Variants in NFYA observed in about 807,000 individuals in gnomAD.
NFYA encodes nuclear transcription factor Y subunit alpha, also known as CAAT-box DNA binding protein subunit A.
NFYA carries 28 observed loss-of-function variants against 52.8 expected under a neutral mutation model. The observed-to-expected ratio is 0.53, with a 90% CI of 0.39 to 0.73. The LOEUF is 0.73. Ranked by LOEUF, NFYA falls within the 30% of genes least tolerant of loss-of-function variation. NFYA has a pLI of 0.00. For synonymous variants in NFYA, 150 were observed against 150.7 expected (o/e 1.00, Z 0.03); for missense variants, 234 against 427.0 (o/e 0.55, Z 3.98).
rs780753503 is a variant in NFYA at position 41,089,685 on chromosome 6, C to T, written c.416C>T (p.Thr139Met). ...TQQIIIQQPQ[T>M]AVTAGQTQTQ... ...CAGATCATCATCCAGCAGCCCCAGA[C>T]GGCTGTCACTGCTGGCCAGACTCAG... The change falls in exon 5 of 10, where the codon ACG becomes ATG. Residue 139 changes from threonine (T) to methionine (M), a missense_variant. This residue lies in a region of NFYA where 118 missense variants were observed against 182.4 expected (regional missense o/e 0.65). Coordinates refer to ENST00000341376, the MANE Select transcript of NFYA (RefSeq NM_002505.5). 11 of 1,612,508 alleles carry T rather than the reference C, an allele frequency of 6.8e-6. No homozygotes were observed. The highest frequency in any genetic ancestry group is 8.5e-6 in the Non-Finnish European group (10 of 1,179,946).
chr6:41,097,451 C>T lies in NFYA; in HGVS notation c.*41C>T, dbSNP rs915252559. 6.2e-7 allele frequency: 1 copy of T among 1,600,490 alleles called. No homozygotes were observed. Among genetic ancestry groups the T allele is most frequent in the Admixed American group, 1.7e-5 (1 of 59,724 alleles). ...TGGAGCTGATCAAGGTCATGTTTCT[C>T]ACTGTTCCAGGAAATTGATCAACTC... On this transcript the variant is annotated 3_prime_UTR_variant, in exon 10 of 10. Coordinates refer to ENST00000341376, the MANE Select transcript of NFYA (RefSeq NM_002505.5).
intron 9 of NFYA, among the ~76,000 whole-genome samples, chr6:41,096,770 A>G (rs2113826259): frequency 6.6e-6 from 1 of 152,326 alleles, no homozygotes; most frequent in East Asian, 1.9e-4. Context: ...AACAGCATAT[A>G]GAGTTTAGTG....
At chr6:41,095,230 A>G (rs935559699) in intron 9 of NFYA, among the ~76,000 whole-genome samples, 2 of 152,172 alleles carry the variant, frequency 1.3e-5, no homozygotes, top group African/African-American at 2.4e-5. Flanking sequence ...TGCCCAGCAA[A>G]GCCTTACATG....
chr6:41,091,198 C>T (rs919777079), intron 6 of NFYA, among the ~76,000 whole-genome samples: 2 of 152,164 alleles, frequency 1.3e-5, no homozygotes, highest in Non-Finnish European at 2.9e-5. Context: ...AAGCAGATTG[C>T]TCATTATGTA....
rs980190636 is a variant in NFYA at position 41,101,041 on chromosome 6, A to C, written c.*3631A>C. 1.3e-5 allele frequency: 2 copies of C among 152,258 alleles called. No individual in the cohort carries two copies. The highest frequency in any genetic ancestry group is 6.5e-5 in the Admixed American group (1 of 15,288). 9.4% of individuals were successfully genotyped at this position (152,258 alleles called of 1,614,324 possible). A position where few individuals can be genotyped will look rare whatever the true frequency, so the allele number is the denominator to read the frequency against. On this transcript the variant is annotated 3_prime_UTR_variant, in exon 10 of 10. Transcript: ENST00000341376. ...GCAGCCATGGTGACCGGCGAGCGGCATGCGACGCCGCCTCTGTGGCCTGTG... is the reference window on the plus strand; with the variant it reads ...GCAGCCATGGTGACCGGCGAGCGGCCTGCGACGCCGCCTCTGTGGCCTGTG...
chr6:41,075,795 C>T (rs1419062125), intron 1 of NFYA: 1 of 151,538 alleles, frequency 6.6e-6, no homozygotes, highest in Non-Finnish European at 1.5e-5. Flanking sequence ...CCTCCAAATT[C>T]CCATATCACT....
Position 41,097,546 on chromosome 6 carries a change from G to A in NFYA, c.*136G>A, listed in dbSNP as rs1400058369. On this transcript the variant is annotated 3_prime_UTR_variant, in exon 10 of 10. Coordinates refer to ENST00000341376, the MANE Select transcript of NFYA (RefSeq NM_002505.5). ...ACAGAAACCACTTAGTTTTTAATAA[G>A]TGGCTCAGTATTACAATTGCAGCGA... The A allele has an allele frequency of 2.3e-6, 2 of 852,298 alleles. No homozygotes were observed. Among genetic ancestry groups the A allele is most frequent in the Non-Finnish European group, 3.7e-6 (2 of 543,788 alleles). 52.8% of individuals were successfully genotyped at this position (852,298 alleles called of 1,614,324 possible). A position where few individuals can be genotyped will look rare whatever the true frequency, so the allele number is the denominator to read the frequency against.
intron 9 of NFYA, among the ~76,000 whole-genome samples, chr6:41,095,156 A>G (rs1764313321): frequency 6.6e-6 from 1 of 152,130 alleles, no homozygotes; most frequent in Non-Finnish European, 1.5e-5. Context: ...GTTCTGCTCA[A>G]GCTCCTTCAA....
In NFYA at chr6:41,073,003, GC is replaced by G. The variant is rs1763555678; in HGVS notation, c.-142del. 1 of 154,974 alleles carries G rather than the reference GC, an allele frequency of 6.5e-6. No individual in the cohort carries two copies. Among genetic ancestry groups the G allele is most frequent in the African/African-American group, 2.4e-5 (1 of 41,518 alleles). The allele number at this position is 154,974 out of a possible 1,614,324, so 9.6% of individuals were successfully genotyped here. On this transcript the variant is annotated 5_prime_UTR_variant, in exon 1 of 10. Transcript: ENST00000341376. ...GGCAGCGGCAGTGGCGGCGGCAGCG[GC>G]GGCTGGAGCCTCTGATTGGGTTTCG...
chr6:41,076,924 A>C (rs1763748110), intron 1 of NFYA, among the ~76,000 whole-genome samples: 1 of 152,226 alleles, frequency 6.6e-6, no homozygotes, highest in African/African-American at 2.4e-5. Context: ...TCTGTCATTA[A>C]TGTGAGAGAG....
intron 4 of NFYA, among the ~76,000 whole-genome samples, chr6:41,087,527 G>A (rs1224002585): frequency 6.6e-6 from 1 of 152,176 alleles, no homozygotes; most frequent in East Asian, 1.9e-4. Flanking sequence ...CTTCCAGACT[G>A]CCATCTATGT....
At position 41,100,594 on chromosome 6, in the gene NFYA, G is replaced by A. The variant is rs556678323; in HGVS notation, c.*3184G>A. Reference sequence around the variant, plus strand: ...CCACAATGAAGGAAAAGCACTGACAGTATTTGATAGCTTTAGTCAAACTGT... The same window carrying A: ...CCACAATGAAGGAAAAGCACTGACAATATTTGATAGCTTTAGTCAAACTGT... On this transcript the variant is annotated 3_prime_UTR_variant, in exon 10 of 10. Transcript: ENST00000341376. Among the ~76,000 whole-genome samples, 1 of 152,312 alleles carries A rather than the reference G, an allele frequency of 6.6e-6. No individual in the cohort carries two copies. Among genetic ancestry groups the A allele is most frequent in the South Asian group, 2.1e-4 (1 of 4,824 alleles).
chr6:41,084,251 T>C, intron 4 of NFYA, 59 bp downstream of exon 4: 1 of 1,572,882 alleles, frequency 6.4e-7, no homozygotes. Flanking sequence ...AAAGAATAGA[T>C]TATTACAACC....
At chr6:41,079,239 G>C in intron 2 of NFYA, 75 bp downstream of exon 2, 1 of 1,370,018 alleles carries the variant, frequency 7.3e-7, no homozygotes, top group Non-Finnish European at 1.0e-6. Context: ...TTGGTCTATT[G>C]CCCTGGGGAA....
intron 7 of NFYA, among the ~76,000 whole-genome samples, chr6:41,091,907 T>A (rs1237845179): frequency 2.0e-5 from 3 of 152,204 alleles, no homozygotes; most frequent in Admixed American, 2.0e-4. Flanking sequence ...CTATTCTAGA[T>A]GCTGGAGATA....
In NFYA at chr6:41,099,642, T is replaced by G. The variant is rs1021737831; in HGVS notation, c.*2232T>G. Reference sequence around the variant, plus strand: ...TCATTTTTATTTGTGACTGTAGTGATAACTTTACAGATGGAGAAAGAGTGA... The same window carrying G: ...TCATTTTTATTTGTGACTGTAGTGAGAACTTTACAGATGGAGAAAGAGTGA... On this transcript the variant is annotated 3_prime_UTR_variant, in exon 10 of 10. Transcript: ENST00000341376. 3 of 152,228 alleles carry G rather than the reference T, an allele frequency of 2.0e-5. No homozygotes were observed. The highest frequency in any genetic ancestry group is 4.4e-5 in the Non-Finnish European group (3 of 68,030). 9.4% of individuals were successfully genotyped at this position (152,228 alleles called of 1,614,324 possible).
chr6:41,094,184 AGCAT>A (rs1561856636), intron 8 of NFYA, among the ~76,000 whole-genome samples: 3 of 152,190 alleles, frequency 2.0e-5, no homozygotes, highest in Admixed American at 1.3e-4. Flanking sequence ...TCATACTATA[AGCAT>A]TCACAGTCTT....
intron 2 of NFYA, 69 bp downstream of exon 2, chr6:41,079,233 T>C (rs550703418): frequency 1.4e-6 from 2 of 1,429,714 alleles, no homozygotes; most frequent in East Asian, 2.3e-5. Context: ...AATTGGTTGG[T>C]CTATTGCCCT....
chr6:41,097,259 A>T (rs1297756782), intron 9 of NFYA, 98 bp from the exon 10 acceptor site: 1 of 1,090,746 alleles, frequency 9.2e-7, no homozygotes, highest in African/African-American at 1.6e-5. Flanking sequence ...TTACTTGGTA[A>T]AGTTATGTGT....
Sources: allele counts gnomAD v4.1 joint callset (sites outside exome capture counted in the v4.1 genomes callset), GRCh38; gene constraint gnomAD v4.1.1; regional missense constraint gnomAD v4.1.1; transcripts MANE v1.5; gene names NCBI Gene and HGNC (gene_info 2026-07-23, HGNC 2026-07-21).